Variants in SHISA9 observed in about 807,000 individuals in gnomAD.
The protein encoded by SHISA9 is shisa family member 9.
SHISA9 carries 13 observed loss-of-function variants against 38.0 expected under a neutral mutation model. The ratio of observed to expected loss-of-function variants is 0.34; its 90% confidence interval spans 0.22 to 0.54. SHISA9 has a LOEUF of 0.54. SHISA9 is among the 20% of genes least tolerant of loss of function. The probability of loss-of-function intolerance (pLI) is 0.91; values close to 1 mark genes in which losing one functional copy is unlikely to be tolerated. For missense variants in SHISA9, 538 were observed against 575.8 expected (o/e 0.93, Z 0.67); for synonymous variants, 275 against 242.0 (o/e 1.14, Z -1.27).
chr16:13,034,980 G>A (rs973316302), intron 2 of SHISA9, among the ~76,000 whole-genome samples: 1 of 152,176 alleles, frequency 6.6e-6, no homozygotes, highest in African/African-American at 2.4e-5. Flanking sequence ...AGATTTGGGA[G>A]CTAATAAAAT....
chr16:13,072,316 T>A (rs4781396), intron 2 of SHISA9, among the ~76,000 whole-genome samples: 6,805 of 152,296 alleles, frequency 0.045, 307 homozygotes, highest in Admixed American at 0.14. Flanking sequence ...ACATCTGGTG[T>A]GATTACTACC....
the SHISA9 span, among the ~76,000 whole-genome samples, chr16:13,281,968 GTTA>G: frequency 2.0e-5 from 3 of 151,564 alleles, no homozygotes; most frequent in Admixed American, 6.6e-5. Context: ...ATTTTACAAT[GTTA>G]TTATTTTTAT....
chr16:13,307,455 G>A, the SHISA9 span, among the ~76,000 whole-genome samples: 1 of 152,170 alleles, frequency 6.6e-6, no homozygotes, highest in Non-Finnish European at 1.5e-5. Context: ...TTCTGTTCTA[G>A]TAGAAGCACG....
the SHISA9 span, among the ~76,000 whole-genome samples, chr16:13,380,360 G>A: frequency 1.3e-5 from 2 of 152,108 alleles, no homozygotes; most frequent in South Asian, 4.1e-4. Context: ...AAGAGAAAAT[G>A]TTTCAATGCT....
intron 2 of SHISA9, among the ~76,000 whole-genome samples, chr16:12,952,368 G>A (rs1383064526): frequency 6.6e-6 from 1 of 152,232 alleles, no homozygotes; most frequent in Non-Finnish European, 1.5e-5. Context: ...CTCCCAGAGG[G>A]CCCTTCAGCT....
chr16:13,370,207 G>A, the SHISA9 span, among the ~76,000 whole-genome samples: 2 of 152,142 alleles, frequency 1.3e-5, no homozygotes, highest in South Asian at 2.1e-4. Flanking sequence ...GCTTGGTAAC[G>A]ACCAACGTAA....
chr16:13,357,836 T>C, the SHISA9 span, among the ~76,000 whole-genome samples: 1 of 151,714 alleles, frequency 6.6e-6, no homozygotes, highest in Non-Finnish European at 1.5e-5. Context: ...GGGTGCTTTT[T>C]GAGCCAGGAT....
intron 2 of SHISA9, among the ~76,000 whole-genome samples, chr16:13,178,447 C>G (rs572364394): frequency 6.6e-6 from 1 of 152,114 alleles, no homozygotes; most frequent in South Asian, 2.1e-4. Context: ...CCACGTTTTA[C>G]AAGTTGCTTC....
rs576144762 is a variant in SHISA9 at position 12,945,436 on chromosome 16, TAA to T, written c.691+28622_691+28623del. 2.4e-3 allele frequency among the ~76,000 whole-genome samples: 360 copies of T among 152,312 alleles called. 1 individual carries two copies. Among genetic ancestry groups the T allele is most frequent in the African/African-American group, 8.3e-3 (346 of 41,572 alleles). On this transcript the variant is annotated intron_variant, in intron 2 of 4. Transcript: ENST00000558583. Reference sequence around the variant, plus strand: ...GTTTTATTTTTATTTATAAAATCAATAAGTGTTATTTTTCCTGGTTATAAATG... The same window carrying T: ...GTTTTATTTTTATTTATAAAATCAATGTGTTATTTTTCCTGGTTATAAATG...
chr16:13,501,379 G>T, the SHISA9 span, among the ~76,000 whole-genome samples: 2 of 152,130 alleles, frequency 1.3e-5, no homozygotes, highest in African/African-American at 4.8e-5. Context: ...GAGAGAAAAA[G>T]GGAGGATGGA....
At chr16:13,079,361 C>T (rs2073621345) in intron 2 of SHISA9, among the ~76,000 whole-genome samples, 1 of 152,174 alleles carries the variant, frequency 6.6e-6, no homozygotes, top group Non-Finnish European at 1.5e-5. Flanking sequence ...AGGTAAAGTT[C>T]TTAGTACAGT....
intron 2 of SHISA9, among the ~76,000 whole-genome samples, chr16:13,096,513 C>T (rs767590875): frequency 6.6e-6 from 1 of 152,138 alleles, no homozygotes. Flanking sequence ...TGATGCAAGA[C>T]TCATGCTGAA....
chr16:13,234,544 G>T lies in SHISA9; in HGVS notation c.896-486G>T, dbSNP rs189776481. Among the ~76,000 whole-genome samples, 840 of 152,208 alleles carry T rather than the reference G, an allele frequency of 5.5e-3. 7 individuals are homozygous for T. Among genetic ancestry groups the T allele is most frequent in the African/African-American group, 0.019 (804 of 41,522 alleles). The stretch of plus-strand genomic sequence containing the variant: ...AAACAAAAGCAAACAAACCAGCGGA[G>T]AAAAATCCCAAATTAAACTCTGTTT... On this transcript the variant is annotated intron_variant, in intron 4 of 4. Coordinates refer to ENST00000558583, the MANE Select transcript of SHISA9 (RefSeq NM_001145204.3).
the SHISA9 span, among the ~76,000 whole-genome samples, chr16:13,316,701 T>C: frequency 1.5e-4 from 23 of 152,350 alleles, no homozygotes; most frequent in Middle Eastern, 3.4e-3. Flanking sequence ...ATTCCAGAGA[T>C]GATAAAATGT....
At chr16:13,229,356 C>G (rs1047198643) in intron 4 of SHISA9, among the ~76,000 whole-genome samples, 6 of 152,136 alleles carry the variant, frequency 3.9e-5, no homozygotes, top group African/African-American at 1.4e-4. Context: ...AGAGATCTGA[C>G]TTTATCGGAC....
chr16:13,124,646 C>T (rs1000723579), intron 2 of SHISA9, among the ~76,000 whole-genome samples: 2 of 152,056 alleles, frequency 1.3e-5, no homozygotes, highest in Admixed American at 6.6e-5. Flanking sequence ...CCACAAAAGA[C>T]CCAGAATAGC....
intron 2 of SHISA9, among the ~76,000 whole-genome samples, chr16:13,066,806 C>T (rs9939852): frequency 0.05 from 7,615 of 152,258 alleles, 327 homozygotes; most frequent in Admixed American, 0.13. Context: ...TTACATTTTA[C>T]AGATATATTT....
At chr16:13,484,255 G>A in the SHISA9 span, among the ~76,000 whole-genome samples, 51 of 152,258 alleles carry the variant, frequency 3.3e-4, no homozygotes, top group African/African-American at 1.2e-3. Context: ...TAGTTTGAGA[G>A]TTTTTCCGAA....
intron 2 of SHISA9, among the ~76,000 whole-genome samples, chr16:13,074,200 C>A (rs1335078299): frequency 1.3e-5 from 2 of 152,046 alleles, no homozygotes; most frequent in Admixed American, 6.6e-5. Context: ...GAACTCCTGA[C>A]CTCAGGTGAT....
Sources: gnomAD v4.1 joint callset for allele counts (sites outside exome capture counted in the v4.1 genomes callset) on GRCh38, gnomAD v4.1.1 for gene constraint, MANE v1.5 for transcripts, NCBI Gene and HGNC (gene_info 2026-07-23, HGNC 2026-07-21) for gene names.